The following UTRN variants were observed in gnomAD, a reference collection of about 807,000 sequenced individuals.
The protein encoded by UTRN is dystrophin-related protein 1.
A neutral mutation model predicts 463.9 loss-of-function variants in UTRN; 283 were observed. The observed-to-expected ratio is 0.61, with a 90% confidence interval of 0.55 to 0.67. The LOEUF (loss-of-function observed/expected upper bound fraction) is 0.67, where lower values mean the gene tolerates loss of function less well. Ranked by LOEUF, UTRN falls within the 30% of genes least tolerant of loss-of-function variation. The pLI is 0.00. For synonymous variants in UTRN, 1,442 were observed against 1,431.5 expected (o/e 1.01, Z -0.17); for missense variants, 3,922 against 4,084.3 (o/e 0.96, Z 1.08).
intron 10 of UTRN, among the ~76,000 whole-genome samples, chr6:144,436,397 C>G (rs1178249544): frequency 1.3e-5 from 2 of 152,180 alleles, no homozygotes; most frequent in African/African-American, 2.4e-5. Flanking sequence ...TTGCATAGTA[C>G]TGCTCAGTTC....
At position 144,537,651 on chromosome 6, in the gene UTRN, A is replaced by G. The variant is rs757884423; in HGVS notation, c.6303A>G (p.Thr2101=). 2 of 1,612,760 alleles carry G rather than the reference A, an allele frequency of 1.2e-6. No homozygotes were observed. The highest frequency in any genetic ancestry group is 1.7e-6 in the Non-Finnish European group (2 of 1,179,534). The change falls in exon 44 of 75, where the codon ACA becomes ACG. Residue 2101 remains threonine (T), a synonymous_variant. Coordinates refer to ENST00000367545, the MANE Select transcript of UTRN (RefSeq NM_007124.3). ...TAGATGAGATTATCTGTTGGTTAAC[A>G]AAGGCTGAGCATGCTATGCAAAAGA... is the stretch of plus-strand genomic sequence containing the variant. ...HQLDEIICWL[T]KAEHAMQKRS... is the part of the protein sequence containing the mutation.
intron 69 of UTRN, among the ~76,000 whole-genome samples, chr6:144,829,725 C>T (rs947562506): frequency 4.9e-4 from 72 of 146,026 alleles, no homozygotes; most frequent in African/African-American, 1.8e-3. Flanking sequence ...AAAAAAAAAA[C>T]TATGGAGAGT....
chr6:144,627,335 G>A lies in UTRN; in HGVS notation c.7479+50047G>A, dbSNP rs181372489. Among the ~76,000 whole-genome samples the A allele has an allele frequency of 5.3e-3, 807 of 152,276 alleles. 8 individuals carry two copies. The highest frequency in any genetic ancestry group is 5.5e-3 in the Non-Finnish European group (375 of 68,010). ...ACATTCATTTATCGGTTTACTTTCT[G>A]TTTCTTCATGTGATTCAGATAAGAG... On this transcript the variant is annotated intron_variant, in intron 51 of 74. Transcript: ENST00000367545.
At chr6:144,436,824 A>T (rs1786592757) in intron 10 of UTRN, among the ~76,000 whole-genome samples, 2 of 141,122 alleles carry the variant, frequency 1.4e-5, no homozygotes, top group African/African-American at 5.5e-5. Context: ...AAAAATAAAT[A>T]TATATTTTAT....
At chr6:144,720,260 C>G (rs138894918) in intron 53 of UTRN, among the ~76,000 whole-genome samples, 10 of 152,350 alleles carry the variant, frequency 6.6e-5, no homozygotes, top group African/African-American at 2.2e-4. Context: ...CTTCTTTATA[C>G]CGTCTTATCT....
chr6:144,420,384 C>T (rs1784727209), intron 3 of UTRN, among the ~76,000 whole-genome samples: 1 of 152,082 alleles, frequency 6.6e-6, no homozygotes, highest in South Asian at 2.1e-4. Flanking sequence ...GTAGCTGAGC[C>T]AGGTTCACCA....
At chr6:144,665,939 G>C (rs190311729) in intron 51 of UTRN, among the ~76,000 whole-genome samples, 1 of 152,142 alleles carries the variant, frequency 6.6e-6, no homozygotes, top group African/African-American at 2.4e-5. Context: ...TGGCCCCTCT[G>C]TGCACATGAC....
In UTRN at chr6:144,424,062, T is replaced by C. The variant is rs962574267; in HGVS notation, c.389T>C (p.Ile130Thr). The C allele has an allele frequency of 6.2e-7, 1 of 1,614,202 alleles. No individual in the cohort carries two copies. Among genetic ancestry groups the C allele is most frequent in the Non-Finnish European group, 8.5e-7 (1 of 1,180,034 alleles). ...HKLTLGLLWSIILHWQVKDVM... is the reference protein window; with the variant it reads ...HKLTLGLLWSTILHWQVKDVM... ...CTGACTTTGGGGTTACTTTGGAGCA[T>C]CATTTTGCACTGGCAGGTGGGGAAA... is the stretch of plus-strand genomic sequence containing the variant. Residue 130 changes from isoleucine (I) to threonine (T), a missense_variant, in exon 6 of 75, where the codon ATC becomes ACC. Coordinates refer to ENST00000367545, the MANE Select transcript of UTRN (RefSeq NM_007124.3).
chr6:144,606,024 T>C (rs535028588), intron 51 of UTRN, among the ~76,000 whole-genome samples: 10 of 152,340 alleles, frequency 6.6e-5, no homozygotes, highest in African/African-American at 2.4e-4. Flanking sequence ...ATTTTTTTCA[T>C]GTCTTAACAT....
At chr6:144,451,111 C>T (rs565579625) in intron 17 of UTRN, among the ~76,000 whole-genome samples, 13 of 149,834 alleles carry the variant, frequency 8.7e-5, no homozygotes, top group South Asian at 4.2e-4. Flanking sequence ...GACTCCATCT[C>T]GAAACAACAA....
intron 9 of UTRN, among the ~76,000 whole-genome samples, chr6:144,434,906 T>C (rs1273201999): frequency 6.6e-6 from 1 of 152,142 alleles, no homozygotes; most frequent in Non-Finnish European, 1.5e-5. Context: ...TTGGGACAGT[T>C]CTGGTTTGGA....
intron 51 of UTRN, among the ~76,000 whole-genome samples, chr6:144,600,213 C>A (rs900558425): frequency 1.3e-5 from 2 of 152,216 alleles, no homozygotes; most frequent in Non-Finnish European, 1.5e-5. Context: ...TTACATTGGC[C>A]TCCAAGTGTT....
rs199700596 is a variant in UTRN, at chr6:144,583,866, C to CA, written c.7479+6582dup. Among the ~76,000 whole-genome samples, 1,371 of 152,200 alleles carry CA rather than the reference C, an allele frequency of 9.0e-3. 8 individuals carry two copies. The highest frequency in any genetic ancestry group is 0.024 in the Middle Eastern group (7 of 294). On this transcript the variant is annotated intron_variant, in intron 51 of 74. Coordinates refer to ENST00000367545, the MANE Select transcript of UTRN (RefSeq NM_007124.3). ...TGAAATGTTTGGAGAAAATATGATGCAAAACTACTACATTCATTAAGACCT... is the reference window on the plus strand; with the variant it reads ...TGAAATGTTTGGAGAAAATATGATGCAAAAACTACTACATTCATTAAGACCT...
intron 67 of UTRN, 100 bp downstream of exon 67, chr6:144,827,486 CCGGGTAACAATCCTAGTGGTCTGT>C: frequency 6.3e-7 from 1 of 1,596,822 alleles, no homozygotes; most frequent in Non-Finnish European, 8.6e-7. Flanking sequence ...CTTCTGTGTT[CCGGGTAACAATCCTAGTGGTCTGT>C]TTGCATGGCA....
At chr6:144,794,239 T>C (rs549058453) in intron 63 of UTRN, among the ~76,000 whole-genome samples, 233 of 152,284 alleles carry the variant, frequency 1.5e-3, no homozygotes, top group African/African-American at 5.2e-3. Flanking sequence ...TTGCTGTTTG[T>C]CCTGCCCTTT....
At position 144,514,808 on chromosome 6, in the gene UTRN, C is replaced by G; in HGVS notation, c.5232C>G (p.Ile1744Met). ...NRNFEKVSQH[I>M]KSAKLLIAQE... ...ACTTTGAAAAGGTGTCTCAACATAT[C>G]AAAAGTGCCAAAGTGAGTAATTATG... Residue 1744 changes from isoleucine (I) to methionine (M), a missense_variant, in exon 37 of 75, where the codon ATC (isoleucine) becomes ATG (methionine). Transcript: ENST00000367545. 1 of 1,612,736 alleles carries G rather than the reference C, an allele frequency of 6.2e-7. No individual in the cohort carries two copies. Among genetic ancestry groups the G allele is most frequent in the South Asian group, 1.1e-5 (1 of 90,678 alleles).
chr6:144,722,044 C>A (rs1453319056), intron 53 of UTRN, among the ~76,000 whole-genome samples: 1 of 152,150 alleles, frequency 6.6e-6, no homozygotes, highest in Admixed American at 6.5e-5. Flanking sequence ...AATGGCCAAG[C>A]CTTGAGCCAG....
At chr6:144,613,365 G>A (rs1258611377) in intron 51 of UTRN, among the ~76,000 whole-genome samples, 1 of 152,014 alleles carries the variant, frequency 6.6e-6, no homozygotes, top group East Asian at 1.9e-4. Flanking sequence ...AAATTTCTAA[G>A]AGAATAAATT....
chr6:144,756,190 G>C (rs1376831022), intron 57 of UTRN, among the ~76,000 whole-genome samples: 1 of 152,100 alleles, frequency 6.6e-6, no homozygotes, highest in Non-Finnish European at 1.5e-5. Flanking sequence ...CTAAAGCTCA[G>C]TTTTTCAAAA....
Sources: allele counts gnomAD v4.1 joint callset (sites outside exome capture counted in the v4.1 genomes callset), GRCh38; gene constraint gnomAD v4.1.1; transcripts MANE v1.5; gene names NCBI Gene and HGNC (gene_info 2026-07-23, HGNC 2026-07-21).